Variants in DNMBP observed in about 807,000 individuals in gnomAD.
The protein encoded by DNMBP is dynamin binding protein, also known as dynamin-binding protein.
Under a neutral mutation model 150.0 loss-of-function variants are expected in DNMBP, and 87 were observed. The observed-to-expected ratio is 0.58, with a 90% CI of 0.49 to 0.69. The LOEUF is 0.69. Ranked by LOEUF, DNMBP falls within the 30% of genes least tolerant of loss-of-function variation. DNMBP has a pLI of 0.00. For missense variants in DNMBP, 1,774 were observed against 1,949.0 expected (o/e 0.91, Z 1.69); for synonymous variants, 711 against 750.4 (o/e 0.95, Z 0.86).
At chr10:99,961,905 G>C (rs2040569230) in intron 3 of DNMBP, among the ~76,000 whole-genome samples, 2 of 149,554 alleles carry the variant, frequency 1.3e-5, no homozygotes, top group South Asian at 4.3e-4. Flanking sequence ...TGATTATCCA[G>C]TCACAACTTT....
intron 3 of DNMBP, 108 bp downstream of exon 3, chr10:99,969,005 ACT>A: frequency 7.9e-7 from 1 of 1,264,088 alleles, no homozygotes; most frequent in Non-Finnish European, 1.1e-6. Flanking sequence ...ATTGCCGAGG[ACT>A]CTCTAGAGGT....
At chr10:99,982,930 C>T (rs2040793887) in intron 1 of DNMBP, among the ~76,000 whole-genome samples, 1 of 151,532 alleles carries the variant, frequency 6.6e-6, no homozygotes, top group South Asian at 2.1e-4. Flanking sequence ...CGCACTACTG[C>T]ACTCCAGCCT....
chr10:99,963,832 T>C (rs903473690), intron 3 of DNMBP, among the ~76,000 whole-genome samples: 1 of 151,464 alleles, frequency 6.6e-6, no homozygotes. Flanking sequence ...AGGGGAACTA[T>C]GTGCTTTATG....
At chr10:99,918,967 AAAGTT>A (rs2039994916) in intron 4 of DNMBP, among the ~76,000 whole-genome samples, 1 of 152,258 alleles carries the variant, frequency 6.6e-6, no homozygotes, top group South Asian at 2.1e-4. Flanking sequence ...TTGTAAAATT[AAAGTT>A]ATCACTGTTT....
At chr10:99,968,485 G>A (rs1484637618) in intron 3 of DNMBP, among the ~76,000 whole-genome samples, 3 of 152,138 alleles carry the variant, frequency 2.0e-5, no homozygotes, top group South Asian at 2.1e-4. Context: ...CTAGGAGTTC[G>A]AGACCAGCCT....
chr10:99,936,461 T>C (rs1403907471), intron 4 of DNMBP, among the ~76,000 whole-genome samples: 1 of 152,006 alleles, frequency 6.6e-6, no homozygotes, highest in Admixed American at 6.6e-5. Context: ...TGAACATTCA[T>C]TGCCCATACC....
chr10:100,009,790 G>C (rs2041114173), intron 1 of DNMBP, 48 bp downstream of exon 1: 1 of 149,060 alleles, frequency 6.7e-6, no homozygotes, highest in South Asian at 2.0e-4. Context: ...CGCGACCCCC[G>C]CTCCCCGCCC....
intron 1 of DNMBP, among the ~76,000 whole-genome samples, chr10:100,005,768 A>AC (rs1202047178): frequency 5.3e-5 from 7 of 132,900 alleles, no homozygotes; most frequent in Middle Eastern, 3.4e-3. Flanking sequence ...AGTCTCCAAA[A>AC]AAAAAAAAAA....
chr10:99,880,893 T>A (rs2039357084), intron 15 of DNMBP, among the ~76,000 whole-genome samples: 1 of 152,094 alleles, frequency 6.6e-6, no homozygotes, highest in Non-Finnish European at 1.5e-5. Flanking sequence ...TGAGCCCAGT[T>A]CCCTGGTCAA....
chr10:99,885,089 T>C (rs1033596548), intron 14 of DNMBP, among the ~76,000 whole-genome samples: 3 of 152,146 alleles, frequency 2.0e-5, no homozygotes, highest in Admixed American at 2.0e-4. Context: ...CAGCCAACCA[T>C]TAACTGTTTA....
Position 99,877,064 on chromosome 10 carries a change from A to T in DNMBP, c.*87T>A. 8.0e-7 allele frequency: 1 copy of T among 1,245,670 alleles called. No homozygotes were observed. The highest frequency in any genetic ancestry group is 1.1e-6 in the Non-Finnish European group (1 of 889,454). 77.2% of individuals were successfully genotyped at this position (1,245,670 alleles called of 1,614,324 possible). On this transcript the variant is annotated 3_prime_UTR_variant, in exon 17 of 17. Transcript: ENST00000324109. ...GCAACGCAGACAGGGCCTGTGTCTC[A>T]GGAGCAGGCGCCCTCTCGGTGGGCC...
chr10:99,901,358 T>A (rs2039734587), intron 6 of DNMBP, among the ~76,000 whole-genome samples: 1 of 152,174 alleles, frequency 6.6e-6, no homozygotes, highest in Admixed American at 6.5e-5. Flanking sequence ...GTTACTGAAA[T>A]TTCAAGACAT....
At chr10:99,950,987 G>A (rs536717498) in intron 4 of DNMBP, among the ~76,000 whole-genome samples, 13 of 152,350 alleles carry the variant, frequency 8.5e-5, no homozygotes, top group African/African-American at 2.9e-4. Flanking sequence ...ACCCATCACA[G>A]GCCCAAAGGC....
At chr10:100,001,877 T>G (rs1237813344) in intron 1 of DNMBP, among the ~76,000 whole-genome samples, 1 of 152,176 alleles carries the variant, frequency 6.6e-6, no homozygotes. Flanking sequence ...TCCACACCCT[T>G]AAGCTAGTTT....
intron 3 of DNMBP, among the ~76,000 whole-genome samples, chr10:99,967,596 T>G (rs759272731): frequency 2.0e-5 from 3 of 152,062 alleles, no homozygotes; most frequent in Non-Finnish European, 2.9e-5. Context: ...AAATAGATTT[T>G]GAGGATTAAG....
intron 1 of DNMBP, among the ~76,000 whole-genome samples, chr10:99,982,521 C>T (rs887693203): frequency 1.3e-5 from 2 of 151,918 alleles, no homozygotes; most frequent in African/African-American, 4.8e-5. Flanking sequence ...AAAAATAGTT[C>T]CCTAAATCCA....
intron 3 of DNMBP, among the ~76,000 whole-genome samples, chr10:99,966,767 T>A (rs1174740834): frequency 6.6e-6 from 1 of 151,994 alleles, no homozygotes; most frequent in African/African-American, 2.4e-5. Context: ...GTGGTGGCGT[T>A]TTCTCTCGTT....
chr10:99,900,478 C>T (rs2039723171), intron 6 of DNMBP, among the ~76,000 whole-genome samples: 1 of 152,010 alleles, frequency 6.6e-6, no homozygotes, highest in African/African-American at 2.4e-5. Context: ...GTTGCCCAGG[C>T]TCATGTATTT....
intron 1 of DNMBP, among the ~76,000 whole-genome samples, chr10:99,984,071 T>A (rs1237522020): frequency 6.6e-6 from 1 of 152,236 alleles, no homozygotes; most frequent in African/African-American, 2.4e-5. Flanking sequence ...ATTTACAGCG[T>A]CTACGCCACC....
Sources: allele counts gnomAD v4.1 joint callset (sites outside exome capture counted in the v4.1 genomes callset), GRCh38; gene constraint gnomAD v4.1.1; transcripts MANE v1.5; gene names NCBI Gene and HGNC (gene_info 2026-07-23, HGNC 2026-07-21).